PLA2G4E: variants seen among roughly 807,000 people sequenced by gnomAD.
The protein encoded by PLA2G4E is phospholipase A2 group IVE, also known as cytosolic phospholipase A2 epsilon.
In PLA2G4E, 84 loss-of-function variants were observed where a neutral mutation model predicts 109.1. That is an observed-to-expected ratio of 0.77 (90% CI 0.65 to 0.92). The LOEUF (loss-of-function observed/expected upper bound fraction) is 0.92. PLA2G4E is among the 40% of genes least tolerant of loss of function. PLA2G4E has a pLI of 0.00. For missense variants in PLA2G4E, 1,057 were observed against 1,076.6 expected (o/e 0.98, Z 0.25); for synonymous variants, 469 against 436.1 (o/e 1.08, Z -0.94).
At chr15:42,036,146 G>A (rs1028148390) in intron 1 of PLA2G4E, among the ~76,000 whole-genome samples, 10 of 152,178 alleles carry the variant, frequency 6.6e-5, no homozygotes, top group Non-Finnish European at 1.0e-4. Context: ...TGGCAGCGGC[G>A]GACCATCTGG....
At chr15:42,025,881 A>G (rs2068689543) in intron 1 of PLA2G4E, among the ~76,000 whole-genome samples, 1 of 152,238 alleles carries the variant, frequency 6.6e-6, no homozygotes, top group African/African-American at 2.4e-5. Context: ...TAAATTCCAG[A>G]TAGCTTAAAT....
chr15:42,000,162 G>A, exon 8 of PLA2G4E: 1 of 1,595,978 alleles, frequency 6.3e-7, no homozygotes, highest in Non-Finnish European at 8.5e-7. Flanking sequence ...GAAGTACTTG[G>A]GGTAGTGGAA....
At chr15:42,020,987 G>A (rs952301078) in intron 1 of PLA2G4E, among the ~76,000 whole-genome samples, 6 of 151,764 alleles carry the variant, frequency 4.0e-5, no homozygotes, top group Admixed American at 3.9e-4. Context: ...GCATGGGTCT[G>A]GCAGGGAGTG....
intron 7 of PLA2G4E, among the ~76,000 whole-genome samples, chr15:42,000,732 T>A (rs943183647): frequency 6.6e-6 from 1 of 152,134 alleles, no homozygotes; most frequent in Non-Finnish European, 1.5e-5. Flanking sequence ...TATTCATGGA[T>A]CTCTTAGGTC....
intron 5 of PLA2G4E, 118 bp downstream of exon 5, chr15:42,004,820 G>C: frequency 9.3e-7 from 1 of 1,080,302 alleles, no homozygotes; most frequent in Non-Finnish European, 1.4e-6. Context: ...TTAGTGCCAG[G>C]AGTGAGACTG....
chr15:41,986,175 C>T (rs924979787), intron 17 of PLA2G4E, among the ~76,000 whole-genome samples, 170 bp from the exon 18 acceptor site: 2 of 152,150 alleles, frequency 1.3e-5, no homozygotes, highest in Non-Finnish European at 2.9e-5. Context: ...ACAGCGTTAT[C>T]TTGGGCTTTT....
At chr15:42,035,120 T>C (rs1354946131) in intron 1 of PLA2G4E, among the ~76,000 whole-genome samples, 2 of 152,222 alleles carry the variant, frequency 1.3e-5, no homozygotes, top group East Asian at 1.9e-4. Flanking sequence ...GGGAGGCACA[T>C]GTCTGAACAT....
intron 10 of PLA2G4E, 144 bp from the exon 11 acceptor site, chr15:41,997,403 T>G: frequency 1.1e-6 from 1 of 919,490 alleles, no homozygotes; most frequent in Non-Finnish European, 1.5e-6. Flanking sequence ...CTTTCCCATC[T>G]GTAAAGTGGG....
At chr15:42,000,566 A>ATGCCCCAAAGTAACC (rs2068406227) in intron 7 of PLA2G4E, among the ~76,000 whole-genome samples, 1 of 152,204 alleles carries the variant, frequency 6.6e-6, no homozygotes, top group Non-Finnish European at 1.5e-5. Flanking sequence ...TTGCCAGAAG[A>ATGCCCCAAAGTAACC]TGCCCCAAAG....
intron 1 of PLA2G4E, among the ~76,000 whole-genome samples, chr15:42,040,109 G>A (rs1202296776): frequency 6.6e-6 from 1 of 152,114 alleles, no homozygotes; most frequent in Non-Finnish European, 1.5e-5. Context: ...GGCCGAGGTG[G>A]AGGATTGCTT....
At chr15:42,009,566 C>T (rs1195705018) in intron 2 of PLA2G4E, among the ~76,000 whole-genome samples, 2 of 152,196 alleles carry the variant, frequency 1.3e-5, no homozygotes, top group African/African-American at 4.8e-5. Flanking sequence ...AAGTGGCTGA[C>T]CCTGCTCACT....
Position 42,006,128 on chromosome 15 carries a change from G to T in PLA2G4E, c.394-7C>A. The T allele has an allele frequency of 1.9e-6, 3 of 1,613,416 alleles. No homozygotes were observed. Among genetic ancestry groups the T allele is most frequent in the Non-Finnish European group, 1.7e-6 (2 of 1,179,544 alleles). ...CACTCAACTCTAGCACGTTCTAGGG[G>T]AGAAGGAAGGATGCCAGTCTGGTTA... is the stretch of plus-strand genomic sequence containing the variant. On this transcript the variant is annotated splice_region_variant and splice_polypyrimidine_tract_variant and intron_variant, in intron 3 of 19. Coordinates refer to ENST00000399518, the Ensembl canonical transcript of PLA2G4E.
chr15:41,989,266 C>T, intron 15 of PLA2G4E, 149 bp downstream of exon 15: 1 of 1,129,146 alleles, frequency 8.9e-7, no homozygotes, highest in East Asian at 2.6e-5. Context: ...AGCCCCCAGA[C>T]CAACTCTGGT....
intron 1 of PLA2G4E, among the ~76,000 whole-genome samples, chr15:42,041,268 G>C (rs1423709198): frequency 2.0e-5 from 3 of 152,166 alleles, no homozygotes; most frequent in South Asian, 2.1e-4. Flanking sequence ...GTTGTTATTT[G>C]CCTGTTTGGT....
chr15:41,992,279 C>T lies in PLA2G4E; in HGVS notation c.1470+458G>A, dbSNP rs936864343. On this transcript the variant is annotated intron_variant, in intron 13 of 19. Transcript: ENST00000399518. Reference sequence around the variant, plus strand: ...ACTGAGGCTGGCCCGTTCTGGGAGACGCGGGACTCCTGTGACAGCCAGCTT... The same window carrying T: ...ACTGAGGCTGGCCCGTTCTGGGAGATGCGGGACTCCTGTGACAGCCAGCTT... 2.0e-5 allele frequency among the ~76,000 whole-genome samples: 3 copies of T among 152,156 alleles called. No individual in the cohort carries two copies. The East Asian group carries it at 5.8e-4, about 29-fold the overall frequency.
intron 1 of PLA2G4E, among the ~76,000 whole-genome samples, chr15:42,038,806 T>C (rs1330001561): frequency 2.0e-5 from 3 of 152,162 alleles, no homozygotes; most frequent in Non-Finnish European, 4.4e-5. Context: ...GGAGTATAAA[T>C]TGCTGGGTTA....
At chr15:41,984,723 C>A in intron 18 of PLA2G4E, 104 bp from the exon 19 acceptor site, 1 of 1,105,608 alleles carries the variant, frequency 9.0e-7, no homozygotes, top group Non-Finnish European at 1.2e-6. Context: ...GCTAACAACT[C>A]AGCTCCCCAA....
intron 1 of PLA2G4E, among the ~76,000 whole-genome samples, chr15:42,027,086 G>T (rs2665204): frequency 0.54 from 81,303 of 151,762 alleles, 22,839 homozygotes; most frequent in East Asian, 0.71. Flanking sequence ...AAGCATGAAT[G>T]GGGAGTGAAG....
chr15:41,998,647 C>G (rs1595563120), intron 10 of PLA2G4E: 1 of 152,296 alleles, frequency 6.6e-6, no homozygotes, highest in East Asian at 1.9e-4. Context: ...TGCCAAAGAA[C>G]GAGGTTGAGC....
Sources: gnomAD v4.1 joint callset for allele counts (sites outside exome capture counted in the v4.1 genomes callset) on GRCh38, gnomAD v4.1.1 for gene constraint, MANE v1.5 for transcripts, NCBI Gene and HGNC (gene_info 2026-07-23, HGNC 2026-07-21) for gene names.